Variants in TMEM178B observed in about 807,000 individuals in gnomAD.
TMEM178B encodes the protein transmembrane protein 178B.
A neutral mutation model predicts 31.0 loss-of-function variants in TMEM178B; 5 were observed. That is an observed-to-expected ratio of 0.16 (90% CI 0.08 to 0.34). The LOEUF is 0.34. Ranked by LOEUF, TMEM178B falls within the 10% of genes least tolerant of loss-of-function variation. The pLI is 1.00. For synonymous variants in TMEM178B, 164 were observed against 164.0 expected, an observed-to-expected ratio of 1.00 and a Z score of 0.00; for missense variants, 275 against 400.3, an observed-to-expected ratio of 0.69 and a Z score of 2.67.
At chr7:141,361,268 T>C (rs751431196) in intron 2 of TMEM178B, among the ~76,000 whole-genome samples, 5 of 151,958 alleles carry the variant, frequency 3.3e-5, no homozygotes, top group Non-Finnish European at 7.4e-5. Context: ...GTCTTCACCA[T>C]CCCTCTAGGC....
rs147239598 is a variant in TMEM178B, at chr7:141,137,933, C to T, written c.382+63241C>T. Among the ~76,000 whole-genome samples, 79 of 152,258 alleles carry T rather than the reference C, an allele frequency of 5.2e-4. No individual in the cohort carries two copies. In the East Asian group the frequency reaches 0.011, roughly 20 times the overall value. Reference sequence around the variant, plus strand: ...GTCCATGTTGTATGATGGAAGGGGGCTGCTGTAAGTTTCCATTCTACAAAA... The same window carrying T: ...GTCCATGTTGTATGATGGAAGGGGGTTGCTGTAAGTTTCCATTCTACAAAA... On this transcript the variant is annotated intron_variant, in intron 1 of 3. Transcript: ENST00000565468.
chr7:141,256,742 G>C (rs1214614803), intron 2 of TMEM178B, among the ~76,000 whole-genome samples: 1 of 152,160 alleles, frequency 6.6e-6, no homozygotes, highest in Non-Finnish European at 1.5e-5. Flanking sequence ...TACTTAGCCT[G>C]GTGAGAGATG....
chr7:141,194,907 C>T (rs747357868), intron 1 of TMEM178B, among the ~76,000 whole-genome samples: 8 of 152,242 alleles, frequency 5.3e-5, no homozygotes, highest in South Asian at 2.1e-4. Flanking sequence ...CTCAACACCA[C>T]GTGGAAGCTG....
In TMEM178B at chr7:141,428,379, A is replaced by AG. The variant is rs1312074664; in HGVS notation, c.497-9229_497-9228insG. 5.6e-5 allele frequency among the ~76,000 whole-genome samples: 8 copies of AG among 142,130 alleles called. 1 individual carries two copies. Among genetic ancestry groups the AG allele is most frequent in the South Asian group, 2.3e-4 (1 of 4,424 alleles). 93.2% of individuals were successfully genotyped at this position (142,130 alleles called of 152,430 possible). A position where few individuals can be genotyped will look rare whatever the true frequency, so the allele number is the denominator to read the frequency against. ...GCGAGACTCCACCTCAAAAAAAAAA[A>AG]AAAAAGAAAAAAAGAAAAGGAAAGA... On this transcript the variant is annotated intron_variant, in intron 2 of 3. Transcript: ENST00000565468.
intron 1 of TMEM178B, among the ~76,000 whole-genome samples, chr7:141,121,502 T>C (rs1485683335): frequency 3.9e-5 from 6 of 152,228 alleles, no homozygotes; most frequent in Non-Finnish European, 8.8e-5. Context: ...TTAGATCACC[T>C]CTTCCATGAG....
At chr7:141,364,277 A>G (rs1799965585) in intron 2 of TMEM178B, among the ~76,000 whole-genome samples, 1 of 152,160 alleles carries the variant, frequency 6.6e-6, no homozygotes, top group Admixed American at 6.5e-5. Flanking sequence ...TCAGTTAGAG[A>G]TGCGTTCAAT....
chr7:141,190,256 C>CA lies in TMEM178B; in HGVS notation c.383-22331dup, dbSNP rs756200779. Among the ~76,000 whole-genome samples, 6 of 152,034 alleles carry CA rather than the reference C, an allele frequency of 3.9e-5. 1 individual carries two copies. Among genetic ancestry groups the CA allele is most frequent in the Non-Finnish European group, 8.8e-5 (6 of 67,996 alleles). ...ATACTTACATTAGCCTGCAGTTGGG[C>CA]AAAATCATCTAACACAAGGCCTATT... is the stretch of plus-strand genomic sequence containing the variant. On this transcript the variant is annotated intron_variant, in intron 1 of 3. Transcript: ENST00000565468.
intron 2 of TMEM178B, among the ~76,000 whole-genome samples, chr7:141,259,429 C>A (rs926210655): frequency 3.3e-5 from 5 of 152,098 alleles, no homozygotes; most frequent in Admixed American, 2.6e-4. Flanking sequence ...ATTCCAGAAC[C>A]TGTTTAGAGT....
intron 2 of TMEM178B, among the ~76,000 whole-genome samples, chr7:141,235,389 A>C (rs1351252102): frequency 6.6e-6 from 1 of 152,350 alleles, no homozygotes; most frequent in South Asian, 2.1e-4. Context: ...CCAGTAAAGT[A>C]CAGTCAGATG....
At chr7:141,122,059 G>A (rs143166851) in intron 1 of TMEM178B, among the ~76,000 whole-genome samples, 2 of 152,210 alleles carry the variant, frequency 1.3e-5, no homozygotes, top group African/African-American at 4.8e-5. Flanking sequence ...AGTGTTATTG[G>A]ATTTGCTCTG....
intron 1 of TMEM178B, among the ~76,000 whole-genome samples, chr7:141,176,999 ATTTG>A (rs756780955): frequency 4.7e-4 from 71 of 151,620 alleles, no homozygotes; most frequent in Non-Finnish European, 9.1e-4. Context: ...TAGCTTTTGA[ATTTG>A]TTTGTTCTTT....
intron 1 of TMEM178B, among the ~76,000 whole-genome samples, chr7:141,116,851 C>CT (rs550187875): frequency 3.2e-4 from 49 of 152,252 alleles, no homozygotes; most frequent in African/African-American, 1.0e-3. Context: ...TGAACTCATG[C>CT]TTTTTTATGG....
chr7:141,421,682 C>T (rs1801212855), intron 2 of TMEM178B, among the ~76,000 whole-genome samples: 1 of 152,168 alleles, frequency 6.6e-6, no homozygotes, highest in African/African-American at 2.4e-5. Flanking sequence ...ATAGAAAATT[C>T]TTAGAACATG....
chr7:141,367,297 C>A (rs566264727), intron 2 of TMEM178B, among the ~76,000 whole-genome samples: 1 of 151,270 alleles, frequency 6.6e-6, no homozygotes, highest in African/African-American at 2.4e-5. Context: ...GAGACTAAAT[C>A]TCATTCTGTT....
intron 3 of TMEM178B, among the ~76,000 whole-genome samples, chr7:141,450,725 C>T (rs900045646): frequency 7.9e-5 from 12 of 152,094 alleles, no homozygotes; most frequent in African/African-American, 2.4e-4. Context: ...GAAGATGAGC[C>T]GACAACCTAT....
At chr7:141,190,443 A>T (rs1256827000) in intron 1 of TMEM178B, among the ~76,000 whole-genome samples, 1 of 151,560 alleles carries the variant, frequency 6.6e-6, no homozygotes, top group African/African-American at 2.4e-5. Context: ...TCTCCCAAGT[A>T]GCTGGGACTA....
intron 3 of TMEM178B, 128 bp downstream of exon 3, chr7:141,437,873 T>C: frequency 7.5e-7 from 1 of 1,324,508 alleles, no homozygotes; most frequent in Non-Finnish European, 1.0e-6. Context: ...CACTCATCCA[T>C]TGGTTCACAA....
In TMEM178B at chr7:141,176,579, G is replaced by A. The variant is rs563406632; in HGVS notation, c.383-36012G>A. ...TCTGGTAGAATTCGGCTGTGAATCCGTCTGGTCCTGGACTTTTTTTGGTTG... is the reference window on the plus strand; with the variant it reads ...TCTGGTAGAATTCGGCTGTGAATCCATCTGGTCCTGGACTTTTTTTGGTTG... On this transcript the variant is annotated intron_variant, in intron 1 of 3. Coordinates refer to ENST00000565468, the MANE Select transcript of TMEM178B (RefSeq NM_001195278.2). Among the ~76,000 whole-genome samples, 15 of 152,174 alleles carry A rather than the reference G, an allele frequency of 9.9e-5. No individual in the cohort carries two copies. The East Asian group carries it at 1.2e-3, about 12-fold the overall frequency.
the TMEM178B span, among the ~76,000 whole-genome samples, chr7:141,493,973 C>T: frequency 2.0e-5 from 3 of 152,146 alleles, no homozygotes; most frequent in Non-Finnish European, 2.9e-5. Flanking sequence ...GATATTAGAG[C>T]CACCAATGGC....
Sources: allele counts gnomAD v4.1 joint callset (sites outside exome capture counted in the v4.1 genomes callset), GRCh38; gene constraint gnomAD v4.1.1; transcripts MANE v1.5; gene names NCBI Gene and HGNC (gene_info 2026-07-23, HGNC 2026-07-21).